The following RAPGEFL1 variants were observed in gnomAD, a reference collection of about 807,000 sequenced individuals.
The protein encoded by RAPGEFL1 is Rap guanine nucleotide exchange factor like 1, also known as rap guanine nucleotide exchange factor-like 1.
Under a neutral mutation model 64.4 loss-of-function variants are expected in RAPGEFL1, and 31 were observed. That is an observed-to-expected ratio of 0.48 (90% CI 0.36 to 0.65). The LOEUF (loss-of-function observed/expected upper bound fraction) is 0.65. Among genes scored for constraint, RAPGEFL1 ranks in the 30% least tolerant of loss-of-function variants. The probability of loss-of-function intolerance (pLI) is 0.00; values close to 1 mark genes in which losing one functional copy is unlikely to be tolerated. For synonymous variants in RAPGEFL1, 331 were observed against 274.1 expected (o/e 1.21, Z -2.05); for missense variants, 682 against 677.4 (o/e 1.01, Z -0.08).
chr17:40,190,457 G>A lies in RAPGEFL1; in HGVS notation c.1138G>A (p.Glu380Lys), dbSNP rs1242783104. Residue 380 changes from glutamate (E) to lysine (K), a missense_variant, in exon 7 of 15, where the codon GAG (glutamate) becomes AAG (lysine). Physicochemically the swap from Glu to Lys is moderately conservative, Grantham distance 56 (BLOSUM62 1). Transcript: ENST00000620260. The stretch of plus-strand genomic sequence containing the variant: ...AGAGAAGGTCCTTCTCCAGCCCACT[G>A]AGGACTGTGTTTTCACCGCACTGGG... The part of the protein sequence containing the change: ...SGEKVLLQPT[E>K]DCVFTALGIN... 1.2e-6 allele frequency: 2 copies of A among 1,614,070 alleles called. No homozygotes were observed. Among genetic ancestry groups the A allele is most frequent in the Non-Finnish European group, 1.7e-6 (2 of 1,180,036 alleles).
intron 10 of RAPGEFL1, 120 bp from the exon 11 acceptor site, chr17:40,192,093 C>T: frequency 1.1e-6 from 1 of 894,744 alleles, no homozygotes; most frequent in Non-Finnish European, 1.8e-6. Context: ...ACCAGCTTCC[C>T]AGCCCCCTAC....
intron 5 of RAPGEFL1, 105 bp downstream of exon 5, chr17:40,189,083 G>A: frequency 6.9e-7 from 1 of 1,459,300 alleles, no homozygotes; most frequent in South Asian, 1.2e-5. Context: ...GGTAGAACCA[G>A]CCCCTTTCAC....
chr17:40,178,315 G>C lies in RAPGEFL1; in HGVS notation c.454G>C (p.Glu152Gln). Residue 152 changes from glutamate (E) to glutamine (Q), a missense_variant, in exon 1 of 15, where the codon GAG (glutamate) becomes CAG (glutamine). Glu to Gln is a conservative substitution (Grantham distance 29, BLOSUM62 2). This residue lies in a region of RAPGEFL1 where 271 missense variants were observed against 158.0 expected (regional missense o/e 1.72). Transcript: ENST00000620260. ...CCCTCTGGGCGCCCCCGAGCGGCCCGAGCATCTTCTGAACCGGGTTCTGGA... is the reference window on the plus strand; with the variant it reads ...CCCTCTGGGCGCCCCCGAGCGGCCCCAGCATCTTCTGAACCGGGTTCTGGA... Reference protein sequence around the residue: ...WAPLGAPERPEHLLNRVLERL... With the variant: ...WAPLGAPERPQHLLNRVLERL... 1.6e-6 allele frequency: 1 copy of C among 617,400 alleles called. No homozygotes were observed. The highest frequency in any genetic ancestry group is 2.9e-6 in the Non-Finnish European group (1 of 342,568). 38.2% of individuals were successfully genotyped at this position (617,400 alleles called of 1,614,324 possible). A position where few individuals can be genotyped will look rare whatever the true frequency, so the allele number is the denominator to read the frequency against.
rs1457477102 is a variant in RAPGEFL1 at position 40,192,993 on chromosome 17, G to A, written c.1809+3G>A. On this transcript the variant is annotated splice_donor_region_variant and intron_variant, in intron 13 of 14. Coordinates refer to ENST00000620260, the MANE Select transcript of RAPGEFL1 (RefSeq NM_016339.6). Reference sequence around the variant, plus strand: ...GTTTGGTGAACATCGAGAAGCTGGTGAGTGAGTGGCACTGCAAACCCCTAG... The same window carrying A: ...GTTTGGTGAACATCGAGAAGCTGGTAAGTGAGTGGCACTGCAAACCCCTAG... 5 of 1,613,144 alleles carry A rather than the reference G, an allele frequency of 3.1e-6. No individual in the cohort carries two copies. The highest frequency in any genetic ancestry group is 4.2e-6 in the Non-Finnish European group (5 of 1,179,188).
chr17:40,193,672 A>C lies in RAPGEFL1; in HGVS notation c.1873A>C (p.Met625Leu), dbSNP rs201681630. ...CCCTCTTTACCCACTAGGCCTGGACATGGAGGCATCCCCCAATCACCTGCA... is the reference window on the plus strand; with the variant it reads ...CCCTCTTTACCCACTAGGCCTGGACCTGGAGGCATCCCCCAATCACCTGCA... ...KYRSRPLCLD[M>L]EASPNHLQTK... The change falls in exon 15 of 15, where the codon ATG (methionine) becomes CTG (leucine). Residue 625 changes from methionine to leucine, a missense_variant. Around this residue, in one of 2 missense-constraint regions of RAPGEFL1, gnomAD observed 411 missense variants for 519.4 expected, o/e 0.79. Coordinates refer to ENST00000620260, the MANE Select transcript of RAPGEFL1 (RefSeq NM_016339.6). 28 of 1,614,028 alleles carry C rather than the reference A, an allele frequency of 1.7e-5. No homozygotes were observed. The highest frequency in any genetic ancestry group is 8.3e-5 in the Admixed American group (5 of 59,992).
At position 40,178,323 on chromosome 17, in the gene RAPGEFL1, T is replaced by C; in HGVS notation, c.462T>C (p.Leu154=). The stretch of plus-strand genomic sequence containing the variant: ...GCGCCCCCGAGCGGCCCGAGCATCT[T>C]CTGAACCGGGTTCTGGAGCGGCTTG... ...PLGAPERPEH[L]LNRVLERLAG... is the part of the protein sequence containing the mutation. The change falls in exon 1 of 15, where the codon CTT becomes CTC. Residue 154 remains leucine, a synonymous_variant. Coordinates refer to ENST00000620260, the MANE Select transcript of RAPGEFL1 (RefSeq NM_016339.6). The C allele has an allele frequency of 1.7e-6, 1 of 598,842 alleles. No homozygotes were observed. The highest frequency in any genetic ancestry group is 3.0e-6 in the Non-Finnish European group (1 of 332,536). The allele number at this position is 598,842 out of a possible 1,614,324, so 37.1% of individuals were successfully genotyped here.
chr17:40,177,278 C>T, upstream of RAPGEFL1: 1 of 702,580 alleles, frequency 1.4e-6, no homozygotes, highest in Non-Finnish European at 2.6e-6. Flanking sequence ...GGAATCCTTC[C>T]CCATTGGTAA....
intron 1 of RAPGEFL1, among the ~76,000 whole-genome samples, chr17:40,179,054 C>T (rs1989813594): frequency 6.6e-6 from 1 of 151,308 alleles, no homozygotes; most frequent in Non-Finnish European, 1.5e-5. Flanking sequence ...GGTGGCAGGC[C>T]TCAGCACCCG....
chr17:40,185,556 C>T (rs1990039011), intron 4 of RAPGEFL1, among the ~76,000 whole-genome samples: 1 of 148,404 alleles, frequency 6.7e-6, no homozygotes, highest in South Asian at 2.1e-4. Context: ...TGTGCCAAGG[C>T]AGGCAGATCA....
At chr17:40,184,157 T>G (rs1485035046) in intron 2 of RAPGEFL1, 57 bp from the exon 3 acceptor site, 1 of 1,298,382 alleles carries the variant, frequency 7.7e-7, no homozygotes, top group Admixed American at 1.7e-5. Context: ...CCTCCCATCT[T>G]TCTTCTCAAT....
Position 40,193,096 on chromosome 17 carries a change from C to T in RAPGEFL1, c.1809+106C>T. The T allele has an allele frequency of 3.5e-6, 4 of 1,150,860 alleles. No homozygotes were observed. In the South Asian group the frequency reaches 3.9e-5, roughly 11 times the overall value. 71.3% of individuals were successfully genotyped at this position (1,150,860 alleles called of 1,614,324 possible). ...TAGCAGCCTTCCTCCAAGTGCCCAG[C>T]TTGCCTAACAGACTCTTGACTGTCT... On this transcript the variant is annotated intron_variant, in intron 13 of 14. Coordinates refer to ENST00000620260, the MANE Select transcript of RAPGEFL1 (RefSeq NM_016339.6).
At position 40,191,989 on chromosome 17, in the gene RAPGEFL1, A is replaced by G. The variant is rs1394458903; in HGVS notation, c.1606-224A>G. 3.9e-5 allele frequency among the ~76,000 whole-genome samples: 6 copies of G among 152,230 alleles called. No homozygotes were observed. Among genetic ancestry groups the G allele is most frequent in the Non-Finnish European group, 1.5e-5 (1 of 68,038 alleles). On this transcript the variant is annotated intron_variant, in intron 10 of 14. Coordinates refer to ENST00000620260, the MANE Select transcript of RAPGEFL1 (RefSeq NM_016339.6). The surrounding 1 kb of genome is among the most constrained non-coding windows in gnomAD (Gnocchi z 5.1). Reference sequence around the variant, plus strand: ...GGGCATCTTTATACAAAGCACCTGCATAAGACAGACCTGGCCTTCCCCAGA... The same window carrying G: ...GGGCATCTTTATACAAAGCACCTGCGTAAGACAGACCTGGCCTTCCCCAGA...
intron 2 of RAPGEFL1, among the ~76,000 whole-genome samples, chr17:40,183,996 A>G (rs909487368): frequency 1.3e-5 from 2 of 151,646 alleles, no homozygotes; most frequent in African/African-American, 4.8e-5. Flanking sequence ...GGTGCACACC[A>G]CCATGCCCGT....
At position 40,191,367 on chromosome 17, in the gene RAPGEFL1, G is replaced by A. The variant is rs866071868; in HGVS notation, c.1387G>A (p.Ala463Thr). ...CGGGGAGCGCGGCCGCCGGGAGACG[G>A]CCAACTTGGAGCTGCTGCTGCAGCG... ...FHGERGRRET[A>T]NLELLLQRCS... The change falls in exon 9 of 15, where the codon GCC becomes ACC. Residue 463 changes from alanine (A) to threonine (T), a missense_variant. Coordinates refer to ENST00000620260, the MANE Select transcript of RAPGEFL1 (RefSeq NM_016339.6). The surrounding 1 kb of genome is among the most constrained non-coding windows in gnomAD (Gnocchi z 5.1). 6.3e-7 allele frequency: 1 copy of A among 1,595,894 alleles called. No individual in the cohort carries two copies. Among genetic ancestry groups the A allele is most frequent in the Non-Finnish European group, 8.5e-7 (1 of 1,176,758 alleles).
At chr17:40,193,566 C>T (rs1322926531) in intron 14 of RAPGEFL1, 98 bp from the exon 15 acceptor site, 3 of 1,597,264 alleles carry the variant, frequency 1.9e-6, no homozygotes, top group Non-Finnish European at 1.7e-6. Flanking sequence ...TCCTGCCCAA[C>T]ATCTGTCTCA....
At chr17:40,189,665 T>A (rs561872463) in intron 6 of RAPGEFL1, among the ~76,000 whole-genome samples, 2 of 152,160 alleles carry the variant, frequency 1.3e-5, no homozygotes, top group South Asian at 4.2e-4. Context: ...CACTGCGCCC[T>A]ATCCTGGGCA....
rs796675054 is a variant in RAPGEFL1, at chr17:40,186,578, A to T, written c.833+1900A>T. ...CGACAGAGCGAGACTCCGTCTCAAAAAAAAAAAAAAAAAAAAAAAAAAAAA... is the reference window on the plus strand; with the variant it reads ...CGACAGAGCGAGACTCCGTCTCAAATAAAAAAAAAAAAAAAAAAAAAAAAA... On this transcript the variant is annotated intron_variant, in intron 4 of 14. Transcript: ENST00000620260. Among the ~76,000 whole-genome samples, 93 of 89,236 alleles carry T rather than the reference A, an allele frequency of 1.0e-3. 1 individual carries two copies. The highest frequency in any genetic ancestry group is 6.0e-3 in the African/African-American group (85 of 14,132). 58.5% of individuals were successfully genotyped at this position (89,236 alleles called of 152,430 possible).
At chr17:40,186,418 A>G (rs1365897769) in intron 4 of RAPGEFL1, among the ~76,000 whole-genome samples, 2 of 149,594 alleles carry the variant, frequency 1.3e-5, no homozygotes, top group East Asian at 2.0e-4. Context: ...AATACAAAAA[A>G]TTAGCCGGGC....
At chr17:40,180,377 T>G (rs1989856511) in intron 1 of RAPGEFL1, among the ~76,000 whole-genome samples, 1 of 152,032 alleles carries the variant, frequency 6.6e-6, no homozygotes, top group African/African-American at 2.4e-5. Context: ...GTAACTAGTT[T>G]GGGAAATTCC....
Sources: gnomAD v4.1 joint callset for allele counts (sites outside exome capture counted in the v4.1 genomes callset) on GRCh38, gnomAD v4.1.1 for gene constraint, gnomAD v4.1.1 regional missense constraint, Gnocchi (gnomAD v3.1) non-coding constraint, MANE v1.5 for transcripts, NCBI Gene and HGNC (gene_info 2026-07-23, HGNC 2026-07-21) for gene names.